Variants in ALDH1L1 observed in about 807,000 individuals in gnomAD.
ALDH1L1 encodes the protein cytosolic 10-formyltetrahydrofolate dehydrogenase.
ALDH1L1 carries 68 observed loss-of-function variants against 101.1 expected under a neutral mutation model. That is an observed-to-expected ratio of 0.67 (90% confidence interval 0.55 to 0.82). The LOEUF (loss-of-function observed/expected upper bound fraction) is 0.82, where lower values mean the gene tolerates loss of function less well. ALDH1L1 is among the 40% of genes least tolerant of loss of function. The pLI is 0.00. For synonymous variants in ALDH1L1, 486 were observed against 470.8 expected (o/e 1.03, Z -0.42); for missense variants, 1,087 against 1,172.7 (o/e 0.93, Z 1.07).
At chr3:126,105,959 G>A (rs774672237) in intron 21 of ALDH1L1, 34 bp from the exon 22 acceptor site, 2 of 1,599,874 alleles carry the variant, frequency 1.3e-6, no homozygotes, top group Admixed American at 1.7e-5. Flanking sequence ...CTCCCTGAGG[G>A]AGGTGCAGAG....
At chr3:126,190,226 G>A (rs970353481) in intron 1 of ALDH1L1, among the ~76,000 whole-genome samples, 2 of 152,216 alleles carry the variant, frequency 1.3e-5, no homozygotes, top group African/African-American at 2.4e-5. Flanking sequence ...AAGTTCATCT[G>A]CAAATATTCA....
At chr3:126,170,393 G>A (rs1321596780) in intron 1 of ALDH1L1, among the ~76,000 whole-genome samples, 3 of 142,592 alleles carry the variant, frequency 2.1e-5, no homozygotes, top group Non-Finnish European at 4.5e-5. Context: ...TAACACATGG[G>A]TCTTTCCAAA....
At chr3:126,181,131 T>C (rs1457537226), upstream of ALDH1L1, 2 of 818,954 alleles carry the variant, frequency 2.4e-6, no homozygotes, top group African/African-American at 3.4e-5. Context: ...CCTGGTTTTC[T>C]CTCTGCAATT....
At chr3:126,183,704 T>C (rs1036808847), upstream of ALDH1L1, among the ~76,000 whole-genome samples, 1 of 152,182 alleles carries the variant, frequency 6.6e-6, no homozygotes, top group Non-Finnish European at 1.5e-5. Flanking sequence ...CACCAGTTTA[T>C]GTCAGGTGGG....
intron 1 of ALDH1L1, among the ~76,000 whole-genome samples, chr3:126,162,584 C>T (rs2108307014): frequency 6.6e-6 from 1 of 152,204 alleles, no homozygotes. Context: ...ATCATCTAGA[C>T]TTTGAGCTCT....
intron 1 of ALDH1L1, among the ~76,000 whole-genome samples, chr3:126,168,769 T>C (rs761879996): frequency 6.6e-6 from 1 of 152,144 alleles, no homozygotes; most frequent in Admixed American, 6.5e-5. Flanking sequence ...ATAGGTTATA[T>C]TCTAAGGAAT....
At chr3:126,145,837 C>G (rs958801749) in intron 9 of ALDH1L1, among the ~76,000 whole-genome samples, 1 of 152,142 alleles carries the variant, frequency 6.6e-6, no homozygotes, top group African/African-American at 2.4e-5. Context: ...TTTTTTGCCA[C>G]ATTTTTTTTA....
intron 20 of ALDH1L1, among the ~76,000 whole-genome samples, chr3:126,108,955 A>G (rs1287509672): frequency 1.3e-5 from 2 of 152,196 alleles, no homozygotes; most frequent in Admixed American, 6.5e-5. Context: ...TGAATAAAGG[A>G]TCAGCAGGCT....
chr3:126,185,400 C>T (rs1400516436), upstream of ALDH1L1, among the ~76,000 whole-genome samples: 1 of 152,198 alleles, frequency 6.6e-6, no homozygotes, highest in African/African-American at 2.4e-5. Context: ...GAGATGAATG[C>T]ACAGGTGGCA....
rs1022402572 is a variant in ALDH1L1, at chr3:126,114,537, C to G, written c.2082+20G>C. 1 of 1,484,016 alleles carries G rather than the reference C, an allele frequency of 6.7e-7. No individual in the cohort carries two copies. Among genetic ancestry groups the G allele is most frequent in the Non-Finnish European group, 9.0e-7 (1 of 1,116,690 alleles). The allele number at this position is 1,484,016 out of a possible 1,614,324, so 91.9% of individuals were successfully genotyped here. A position where few individuals can be genotyped will look rare whatever the true frequency, so the allele number is the denominator to read the frequency against. Reference sequence around the variant, plus strand: ...CTGTTCCCGCTCACTGTCCCTGCCCCCTCCAGGCCCGGCCCTCACCATCTG... The same window carrying G: ...CTGTTCCCGCTCACTGTCCCTGCCCGCTCCAGGCCCGGCCCTCACCATCTG... On this transcript the variant is annotated intron_variant, in intron 18 of 22. Coordinates refer to ENST00000393434, the MANE Select transcript of ALDH1L1 (RefSeq NM_012190.4).
At chr3:126,164,752 G>T (rs1307506561) in intron 1 of ALDH1L1, among the ~76,000 whole-genome samples, 2 of 152,050 alleles carry the variant, frequency 1.3e-5, no homozygotes, top group Non-Finnish European at 1.5e-5. Context: ...GGGATTGCTG[G>T]GTTGGATGGT....
chr3:126,124,556 G>GA, intron 15 of ALDH1L1, 105 bp from the exon 16 acceptor site: 1 of 867,776 alleles, frequency 1.2e-6, no homozygotes, highest in Non-Finnish European at 1.8e-6. Flanking sequence ...AGCAAGCTGG[G>GA]AGAGTAGCTG....
At chr3:126,154,065 G>C (rs2080858884) in intron 6 of ALDH1L1, among the ~76,000 whole-genome samples, 1 of 152,146 alleles carries the variant, frequency 6.6e-6, no homozygotes, top group South Asian at 2.1e-4. Context: ...CTGTGTGGGG[G>C]ACAAGACTGC....
chr3:126,112,903 C>G (rs1216292461), intron 18 of ALDH1L1, 23 bp from the exon 19 acceptor site: 2 of 1,606,734 alleles, frequency 1.2e-6, no homozygotes, highest in Admixed American at 1.7e-5. Flanking sequence ...GACAAGAACA[C>G]CAGGTCACTG....
chr3:126,192,397 T>C (rs2081558062), intron 1 of ALDH1L1, among the ~76,000 whole-genome samples: 2 of 152,234 alleles, frequency 1.3e-5, no homozygotes, highest in African/African-American at 4.8e-5. Flanking sequence ...ATAGGTACCA[T>C]ACTTTTAACC....
At chr3:126,111,203 G>A (rs759510257) in intron 19 of ALDH1L1, among the ~76,000 whole-genome samples, 69 of 152,252 alleles carry the variant, frequency 4.5e-4, no homozygotes, top group Non-Finnish European at 6.5e-4. Context: ...ACGTGGTAGA[G>A]TCTGTTTCCT....
At position 126,191,878 on chromosome 3, in the gene ALDH1L1, A is replaced by G. The variant is rs912194498; in HGVS notation, c.-24+5857T>C. ...GAGAGCAAAGCAAGAGATAATCTAC[A>G]TGCCAAATGAGGGGAGAATTTCAAG... On this transcript the variant is annotated intron_variant, in intron 1 of 2. Transcript: ENST00000509952. Among the ~76,000 whole-genome samples, 161 of 152,334 alleles carry G rather than the reference A, an allele frequency of 1.1e-3. 1 individual carries two copies. The highest frequency in any genetic ancestry group is 3.7e-3 in the African/African-American group (152 of 41,570).
At chr3:126,166,323 T>C (rs1262289403) in intron 1 of ALDH1L1, among the ~76,000 whole-genome samples, 2 of 152,206 alleles carry the variant, frequency 1.3e-5, no homozygotes, top group African/African-American at 2.4e-5. Flanking sequence ...TCTCTAAAAA[T>C]CCCTCTCATT....
chr3:126,114,457 C>T (rs1946173084), intron 18 of ALDH1L1, 100 bp downstream of exon 18: 1 of 973,682 alleles, frequency 1.0e-6, no homozygotes, highest in East Asian at 2.7e-5. Flanking sequence ...ACCAGGGCTA[C>T]ACGTGTGAGT....
Sources: allele counts gnomAD v4.1 joint callset (sites outside exome capture counted in the v4.1 genomes callset), GRCh38; gene constraint gnomAD v4.1.1; transcripts MANE v1.5; gene names NCBI Gene and HGNC (gene_info 2026-07-23, HGNC 2026-07-21).